The following ACP6 variants were observed in gnomAD, a reference collection of about 807,000 sequenced individuals.
ACP6 encodes lysophosphatidic acid phosphatase type 6.
In ACP6, 48 loss-of-function variants were observed where a neutral mutation model predicts 48.1. That is an observed-to-expected ratio of 1.00 (90% CI 0.79 to 1.27). The LOEUF is 1.27. ACP6 is among the 50% of genes most tolerant of loss of function. ACP6 has a pLI of 0.00. For synonymous variants in ACP6, 172 were observed against 204.2 expected, an observed-to-expected ratio of 0.84 and a Z score of 1.34; for missense variants, 485 against 529.1, an observed-to-expected ratio of 0.92 and a Z score of 0.82.
chr1:147,654,183 C>G lies in ACP6; in HGVS notation c.780+11G>C. The G allele has an allele frequency of 6.2e-7, 1 of 1,613,756 alleles. No individual in the cohort carries two copies. Among genetic ancestry groups the G allele is most frequent in the Non-Finnish European group, 8.5e-7 (1 of 1,179,862 alleles). On this transcript the variant is annotated intron_variant, in intron 6 of 9. Coordinates refer to ENST00000583509, the MANE Select transcript of ACP6 (RefSeq NM_016361.5). ...GGCTATTATCCCAGGCTCCCCAACCCCAGGACTCACCTGCTCGGCAGCCAC... is the reference window on the plus strand; with the variant it reads ...GGCTATTATCCCAGGCTCCCCAACCGCAGGACTCACCTGCTCGGCAGCCAC...
At chr1:147,663,763 G>A (rs1660663066) in intron 1 of ACP6, among the ~76,000 whole-genome samples, 1 of 152,050 alleles carries the variant, frequency 6.6e-6, no homozygotes, top group African/African-American at 2.4e-5. Context: ...TCTTCTTCCA[G>A]CTTGCTTCTC....
In ACP6 at chr1:147,646,482, G is replaced by C. The variant is rs1659626632; in HGVS notation, c.*941C>G. On this transcript the variant is annotated 3_prime_UTR_variant, in exon 10 of 10. Coordinates refer to ENST00000583509, the MANE Select transcript of ACP6 (RefSeq NM_016361.5). Reference sequence around the variant, plus strand: ...AGGAAGTGGAGAGGCTTTTGTGGTTGCTGTTTTCTCTGAGAGGTAAAGGGA... The same window carrying C: ...AGGAAGTGGAGAGGCTTTTGTGGTTCCTGTTTTCTCTGAGAGGTAAAGGGA... 1 of 152,208 alleles carries C rather than the reference G, an allele frequency of 6.6e-6. No homozygotes were observed. Among genetic ancestry groups the C allele is most frequent in the African/African-American group, 2.4e-5 (1 of 41,424 alleles). The allele number at this position is 152,208 out of a possible 1,614,324, so 9.4% of individuals were successfully genotyped here.
chr1:147,659,340 T>C, intron 3 of ACP6, 56 bp downstream of exon 3: 4 of 1,588,834 alleles, frequency 2.5e-6, no homozygotes, highest in Non-Finnish European at 3.4e-6. Context: ...TCAGGACAGG[T>C]ATCCTCATGT....
chr1:147,657,148 A>C (rs587608770), intron 4 of ACP6, among the ~76,000 whole-genome samples: 19 of 152,302 alleles, frequency 1.2e-4, no homozygotes, highest in African/African-American at 4.3e-4. Flanking sequence ...TAACACTAAT[A>C]ATATTATAAA....
Position 147,654,044 on chromosome 1 carries a change from T to C in ACP6, c.780+150A>G, listed in dbSNP as rs587593500. 22 of 1,316,874 alleles carry C rather than the reference T, an allele frequency of 1.7e-5. No individual in the cohort carries two copies. The East Asian group carries it at 5.0e-4, about 30-fold the overall frequency. The allele number at this position is 1,316,874 out of a possible 1,614,324, so 81.6% of individuals were successfully genotyped here. Reference sequence around the variant, plus strand: ...AGGAGTCTTCCTCGATTGCTCCCTATCCCTCAGTCCCCACACCCATTCTAT... The same window carrying C: ...AGGAGTCTTCCTCGATTGCTCCCTACCCCTCAGTCCCCACACCCATTCTAT... On this transcript the variant is annotated intron_variant, in intron 6 of 9. Coordinates refer to ENST00000583509, the MANE Select transcript of ACP6 (RefSeq NM_016361.5).
chr1:147,637,777 T>G (rs587728492), downstream of ACP6, among the ~76,000 whole-genome samples: 2 of 152,314 alleles, frequency 1.3e-5, no homozygotes, highest in South Asian at 2.1e-4. Context: ...CTTAAAATAT[T>G]TGGCCTAGGA....
chr1:147,639,861 T>C (rs1004797148), downstream of ACP6, among the ~76,000 whole-genome samples: 16 of 152,170 alleles, frequency 1.1e-4, no homozygotes, highest in African/African-American at 3.9e-4. Context: ...AAAAATGCCC[T>C]GCTTTCCTAC....
intron 4 of ACP6, among the ~76,000 whole-genome samples, chr1:147,656,818 C>G (rs1660282085): frequency 6.6e-6 from 1 of 152,146 alleles, no homozygotes; most frequent in Admixed American, 6.5e-5. Flanking sequence ...TTCAATCAAC[C>G]ATGGATTAAC....
intron 1 of ACP6, among the ~76,000 whole-genome samples, chr1:147,669,317 AG>A (rs781992631): frequency 1.3e-5 from 2 of 152,126 alleles, no homozygotes; most frequent in Non-Finnish European, 2.9e-5. Context: ...GCAAACCCTG[AG>A]AAAAAGCAGT....
At chr1:147,635,151 G>A (rs587676780) in intron 5 of ACP6, among the ~76,000 whole-genome samples, 58 of 152,262 alleles carry the variant, frequency 3.8e-4, no homozygotes, top group African/African-American at 1.2e-3. Context: ...TTGGTTCTTT[G>A]AGACTAGAAA....
At chr1:147,631,987 C>G (rs1553207441) in intron 5 of ACP6, among the ~76,000 whole-genome samples, 3 of 152,084 alleles carry the variant, frequency 2.0e-5, no homozygotes, top group Admixed American at 2.0e-4. Flanking sequence ...CCACTGTGCT[C>G]CAGCCGAACC....
At chr1:147,660,679 C>T (rs781893145) in intron 1 of ACP6, among the ~76,000 whole-genome samples, 5 of 152,216 alleles carry the variant, frequency 3.3e-5, no homozygotes, top group Non-Finnish European at 7.3e-5. Context: ...TCCCTTTCAC[C>T]TGCACAATCC....
intron 1 of ACP6, among the ~76,000 whole-genome samples, chr1:147,662,491 T>C (rs1386129938): frequency 6.6e-6 from 1 of 152,182 alleles, no homozygotes; most frequent in Non-Finnish European, 1.5e-5. Context: ...ACTCCAACCC[T>C]CATGGATGAC....
At position 147,654,316 on chromosome 1, in the gene ACP6, G is replaced by C; in HGVS notation, c.658C>G (p.Gln220Glu). 1 of 1,614,080 alleles carries C rather than the reference G, an allele frequency of 6.2e-7. No individual in the cohort carries two copies. The change falls in exon 6 of 10, where the codon CAG becomes GAG. Residue 220 changes from glutamine (Q) to glutamate (E), a missense_variant. Coordinates refer to ENST00000583509, the MANE Select transcript of ACP6 (RefSeq NM_016361.5). Reference sequence around the variant, plus strand: ...ATTCCTGGCTGTAAAGAGGCAGTCTGCCTCCGGCCTCTGACAAAAAATAAA... The same window carrying C: ...ATTCCTGGCTGTAAAGAGGCAGTCTCCCTCCGGCCTCTGACAAAAAATAAA... ...SLRQRTRGRR[Q>E]TASLQPGISE... is the part of the protein sequence containing the mutation.
Position 147,647,506 on chromosome 1 carries a change from T to C in ACP6, c.1204A>G (p.Met402Val), listed in dbSNP as rs114396949. Residue 402 changes from methionine to valine, a missense_variant, in exon 10 of 10, where the codon ATG becomes GTG. Coordinates refer to ENST00000583509, the MANE Select transcript of ACP6 (RefSeq NM_016361.5). ...LCPLDMFLNA[M>V]SVYTLSPEKY... ...TCTGGGCTTAAGGTATAAACTGACA[T>C]GGCATTCAAGAACATGTCCAGCGGG... The C allele has an allele frequency of 1.3e-3, 2,111 of 1,614,140 alleles. 24 individuals are homozygous for C. The African/African-American group carries it at 0.025, about 19-fold the overall frequency.
rs1350073556 is a variant in ACP6 at position 147,644,784 on chromosome 1, A to C, written c.*2639T>G. 2.6e-5 allele frequency: 4 copies of C among 152,206 alleles called. No individual in the cohort carries two copies. The highest frequency in any genetic ancestry group is 5.9e-5 in the Non-Finnish European group (4 of 68,056). The allele number at this position is 152,206 out of a possible 1,614,324, so 9.4% of individuals were successfully genotyped here. On this transcript the variant is annotated 3_prime_UTR_variant, in exon 10 of 10. Coordinates refer to ENST00000583509, the MANE Select transcript of ACP6 (RefSeq NM_016361.5). ...TTACCTAGATGGGAAAGCCTGTGGAAGGAGTAAGTTTGAAAAGGCACGGAA... is the reference window on the plus strand; with the variant it reads ...TTACCTAGATGGGAAAGCCTGTGGACGGAGTAAGTTTGAAAAGGCACGGAA...
At chr1:147,665,960 G>T (rs1660774108) in intron 1 of ACP6, among the ~76,000 whole-genome samples, 1 of 152,166 alleles carries the variant, frequency 6.6e-6, no homozygotes, top group South Asian at 2.1e-4. Flanking sequence ...TCTTCAAGGG[G>T]TAATAAAGTA....
At position 147,645,213 on chromosome 1, in the gene ACP6, TTATAATAATTTTATAAAAA is replaced by T. The variant is rs1415417908; in HGVS notation, c.*2191_*2209del. The T allele has an allele frequency of 6.7e-6, 1 of 149,636 alleles. No homozygotes were observed. The highest frequency in any genetic ancestry group is 1.5e-5 in the Non-Finnish European group (1 of 67,298). 9.3% of individuals were successfully genotyped at this position (149,636 alleles called of 1,614,324 possible). Reference sequence around the variant, plus strand: ...CCATAAATATAATAATTTTATAAAATTATAATAATTTTATAAAAATATAATAATTTTTGTATTTTTAGTA... The same window carrying T: ...CCATAAATATAATAATTTTATAAAATTATAATAATTTTTGTATTTTTAGTA... On this transcript the variant is annotated 3_prime_UTR_variant, in exon 10 of 10. Coordinates refer to ENST00000583509, the MANE Select transcript of ACP6 (RefSeq NM_016361.5).
downstream of ACP6, chr1:147,642,165 A>C (rs1372552570): frequency 3.3e-5 from 5 of 152,090 alleles, no homozygotes. Flanking sequence ...CCTTTACTCC[A>C]TGCTTCCCCC....
Sources: gnomAD v4.1 joint callset for allele counts (sites outside exome capture counted in the v4.1 genomes callset) on GRCh38, gnomAD v4.1.1 for gene constraint, MANE v1.5 for transcripts, NCBI Gene and HGNC (gene_info 2026-07-23, HGNC 2026-07-21) for gene names.